AGAP1: variants seen among roughly 807,000 people sequenced by gnomAD.
AGAP1 encodes ArfGAP with GTPase domain, ankyrin repeat and PH domain 1, also known as arf-GAP with GTPase, ANK repeat and PH domain-containing protein 1.
In AGAP1, 29 loss-of-function variants were observed where a neutral mutation model predicts 105.3. The observed-to-expected ratio is 0.28, with a 90% confidence interval of 0.21 to 0.38. The LOEUF (loss-of-function observed/expected upper bound fraction) is 0.38, where lower values mean the gene tolerates loss of function less well. Ranked by LOEUF, AGAP1 falls within the 10% of genes least tolerant of loss-of-function variation. The pLI is 1.00. For missense variants in AGAP1, 998 were observed against 1,165.1 expected (o/e 0.86, Z 2.09); for synonymous variants, 509 against 485.9 (o/e 1.05, Z -0.63).
At chr2:236,033,270 G>A (rs950400861) in intron 13 of AGAP1, among the ~76,000 whole-genome samples, 4 of 152,126 alleles carry the variant, frequency 2.6e-5, no homozygotes, top group African/African-American at 9.7e-5. Flanking sequence ...TAGAGTGAGT[G>A]ATGAAGCCAT....
chr2:235,994,620 C>A lies in AGAP1; in HGVS notation c.1645+25997C>A, dbSNP rs1362218400. Among the ~76,000 whole-genome samples the A allele has an allele frequency of 6.6e-6, 1 of 152,150 alleles. No homozygotes were observed. Among genetic ancestry groups the A allele is most frequent in the Non-Finnish European group, 1.5e-5 (1 of 68,034 alleles). ...CATTGTCTTATTCAGTCCCGACTTTCCCAACGCCTCGCAGCCCGATGATAC... is the reference window on the plus strand; with the variant it reads ...CATTGTCTTATTCAGTCCCGACTTTACCAACGCCTCGCAGCCCGATGATAC... On this transcript the variant is annotated intron_variant, in intron 13 of 17. Coordinates refer to ENST00000304032, the MANE Select transcript of AGAP1 (RefSeq NM_001037131.3). This position sits in a 1 kb window ranked among gnomAD's most constrained non-coding sequence, Gnocchi z 4.4.
intron 1 of AGAP1, among the ~76,000 whole-genome samples, chr2:235,516,254 A>G (rs948664973): frequency 6.6e-6 from 1 of 152,128 alleles, no homozygotes; most frequent in Non-Finnish European, 1.5e-5. Context: ...TGCAGAATGA[A>G]TGTCTTTCCT....
At chr2:235,534,422 T>TA (rs1574787512) in intron 1 of AGAP1, among the ~76,000 whole-genome samples, 2 of 151,864 alleles carry the variant, frequency 1.3e-5, no homozygotes, top group Non-Finnish European at 2.9e-5. Context: ...AATGTACACC[T>TA]AAAAAAAATA....
At chr2:235,853,357 C>A (rs1029744366) in intron 9 of AGAP1, among the ~76,000 whole-genome samples, 7 of 152,142 alleles carry the variant, frequency 4.6e-5, no homozygotes, top group African/African-American at 1.7e-4. Flanking sequence ...TTTCTTAGTA[C>A]TGAGTTGGAA....
Position 236,113,361 on chromosome 2 carries a change from G to A in AGAP1, c.2115-6831G>A, listed in dbSNP as rs1466516123. On this transcript the variant is annotated intron_variant, in intron 16 of 17. Transcript: ENST00000304032. The surrounding 1 kb of genome is among the most constrained non-coding windows in gnomAD (Gnocchi z 4.3). ...TTACCATGTTGGCCAGGCTGGTGTC[G>A]AACTCCTGACCTCGTGATCCACCCA... 6.6e-6 allele frequency among the ~76,000 whole-genome samples: 1 copy of A among 151,768 alleles called. No homozygotes were observed. Among genetic ancestry groups the A allele is most frequent in the Non-Finnish European group, 1.5e-5 (1 of 67,958 alleles).
rs1040694467 is a variant in AGAP1, at chr2:235,807,132, C to G, written c.958-107C>G. The G allele has an allele frequency of 9.1e-6, 10 of 1,100,024 alleles. No individual in the cohort carries two copies. The South Asian group carries it at 1.2e-4, about 14-fold the overall frequency. The allele number at this position is 1,100,024 out of a possible 1,614,324, so 68.1% of individuals were successfully genotyped here. A position where few individuals can be genotyped will look rare whatever the true frequency, so the allele number is the denominator to read the frequency against. On this transcript the variant is annotated intron_variant, in intron 8 of 17. Coordinates refer to ENST00000304032, the MANE Select transcript of AGAP1 (RefSeq NM_001037131.3). ...CGTGTCTGTGCGCACACATAGATCG[C>G]GCATGTTTTCTAAATGTGTATTGGC...
chr2:235,685,451 G>A (rs1013754397), intron 1 of AGAP1, among the ~76,000 whole-genome samples: 3 of 151,044 alleles, frequency 2.0e-5, no homozygotes. Flanking sequence ...TCATCACCTC[G>A]ATATCCTTTT....
chr2:235,880,817 A>AAG (rs1383629630), intron 9 of AGAP1, among the ~76,000 whole-genome samples: 2 of 152,062 alleles, frequency 1.3e-5, no homozygotes, highest in African/African-American at 4.8e-5. Context: ...AATCCCACTG[A>AAG]AGAGGGGTCT....
intron 16 of AGAP1, among the ~76,000 whole-genome samples, chr2:236,091,035 G>A (rs540961150): frequency 2.6e-5 from 4 of 152,242 alleles, no homozygotes; most frequent in Non-Finnish European, 5.9e-5. Context: ...CACCGCACCG[G>A]CCGTAATCGT....
intron 6 of AGAP1, among the ~76,000 whole-genome samples, chr2:235,771,611 A>G (rs2149852657): frequency 6.6e-6 from 1 of 152,296 alleles, no homozygotes; most frequent in East Asian, 1.9e-4. Context: ...CCCCACCTGG[A>G]GAGGCTTAGA....
At position 235,799,661 on chromosome 2, in the gene AGAP1, A is replaced by G. The variant is rs1957400634; in HGVS notation, c.957+139A>G. On this transcript the variant is annotated intron_variant, in intron 8 of 17. Coordinates refer to ENST00000304032, the MANE Select transcript of AGAP1 (RefSeq NM_001037131.3). This position sits in a 1 kb window ranked among gnomAD's most constrained non-coding sequence, Gnocchi z 5.0. Reference sequence around the variant, plus strand: ...TGAATAACATTGATTTCTGTGGAGGACTAAGAAAATTAAGAGAAGCAAAGA... The same window carrying G: ...TGAATAACATTGATTTCTGTGGAGGGCTAAGAAAATTAAGAGAAGCAAAGA... 3 of 1,029,336 alleles carry G rather than the reference A, an allele frequency of 2.9e-6. No homozygotes were observed. The highest frequency in any genetic ancestry group is 2.2e-5 in the South Asian group (1 of 45,036). 63.8% of individuals were successfully genotyped at this position (1,029,336 alleles called of 1,614,324 possible). A position where few individuals can be genotyped will look rare whatever the true frequency, so the allele number is the denominator to read the frequency against.
At chr2:235,670,259 G>A (rs1471354719) in intron 1 of AGAP1, 40 of 508,150 alleles carry the variant, frequency 7.9e-5, no homozygotes, top group African/African-American at 7.3e-4. Context: ...CCCACGCCCG[G>A]TTCGGCGGCC....
In AGAP1 at chr2:235,498,817, C is replaced by T. The variant is rs188666470; in HGVS notation, c.163+3968C>T. ...CAAGCCTCCATCCCCACCAGGTGGC[C>T]GATGAGAGGAAACCCAGGCTCTCCA... On this transcript the variant is annotated intron_variant, in intron 1 of 17. Transcript: ENST00000304032. 2.1e-3 allele frequency among the ~76,000 whole-genome samples: 327 copies of T among 152,286 alleles called. 1 individual carries two copies. The highest frequency in any genetic ancestry group is 4.0e-3 in the Non-Finnish European group (270 of 68,024).
chr2:235,764,224 A>G (rs1427885287), intron 6 of AGAP1, among the ~76,000 whole-genome samples: 2 of 152,236 alleles, frequency 1.3e-5, no homozygotes, highest in Non-Finnish European at 2.9e-5. Flanking sequence ...AAGAAAAAGC[A>G]AAACTGCCAG....
intron 11 of AGAP1, among the ~76,000 whole-genome samples, chr2:235,925,097 C>T (rs1223931078): frequency 1.3e-5 from 2 of 152,156 alleles, no homozygotes; most frequent in Non-Finnish European, 2.9e-5. Context: ...AGGCCACATC[C>T]TTGTACTTAT....
intron 1 of AGAP1, among the ~76,000 whole-genome samples, chr2:235,527,594 G>T (rs372947227): frequency 6.6e-6 from 1 of 152,102 alleles, no homozygotes; most frequent in Non-Finnish European, 1.5e-5. Context: ...TCGCTCTGTT[G>T]TCAGGCTGGT....
chr2:235,513,459 C>T (rs968942505), intron 1 of AGAP1, among the ~76,000 whole-genome samples: 7 of 140,796 alleles, frequency 5.0e-5, no homozygotes, highest in South Asian at 4.5e-4. Context: ...AGGCAGAGGT[C>T]GCAGCGAACT....
rs2051411820 is a variant in AGAP1, at chr2:235,908,458, C to T, written c.1156-280C>T. 6.6e-6 allele frequency among the ~76,000 whole-genome samples: 1 copy of T among 152,108 alleles called. No individual in the cohort carries two copies. The highest frequency in any genetic ancestry group is 2.4e-5 in the African/African-American group (1 of 41,412). On this transcript the variant is annotated intron_variant, in intron 10 of 17. Coordinates refer to ENST00000304032, the MANE Select transcript of AGAP1 (RefSeq NM_001037131.3). This position sits in a 1 kb window ranked among gnomAD's most constrained non-coding sequence, Gnocchi z 4.4. Reference sequence around the variant, plus strand: ...CAAAAAATCAGATTTTGTGTGTAGACTTACTTCCTAATGACCCTTGAAGGA... The same window carrying T: ...CAAAAAATCAGATTTTGTGTGTAGATTTACTTCCTAATGACCCTTGAAGGA...
intron 9 of AGAP1, among the ~76,000 whole-genome samples, chr2:235,880,750 A>C (rs990004654): frequency 4.6e-5 from 7 of 152,060 alleles, no homozygotes; most frequent in Admixed American, 3.3e-4. Flanking sequence ...AAAAAAAAAA[A>C]AAACAAAAAA....
Sources: allele counts gnomAD v4.1 joint callset (sites outside exome capture counted in the v4.1 genomes callset), GRCh38; gene constraint gnomAD v4.1.1; non-coding constraint Gnocchi (gnomAD v3.1); transcripts MANE v1.5; gene names NCBI Gene and HGNC (gene_info 2026-07-23, HGNC 2026-07-21).